ALK: variants seen among roughly 807,000 people sequenced by gnomAD.
ALK encodes the protein ALK tyrosine kinase receptor.
In ALK, 74 loss-of-function variants were observed where a neutral mutation model predicts 163.1. The observed-to-expected ratio is 0.45, with a 90% CI of 0.38 to 0.55. ALK has a LOEUF of 0.55. Ranked by LOEUF, ALK falls within the 20% of genes least tolerant of loss-of-function variation. The pLI is 0.00. For synonymous variants in ALK, 960 were observed against 843.2 expected (o/e 1.14, Z -2.40); for missense variants, 2,063 against 2,105.3 (o/e 0.98, Z 0.39).
chr2:29,856,710 C>T (rs1352243897), intron 1 of ALK, among the ~76,000 whole-genome samples: 1 of 152,178 alleles, frequency 6.6e-6, no homozygotes, highest in Non-Finnish European at 1.5e-5. Flanking sequence ...GTGGGTGCAT[C>T]ACCCAGGAAA....
intron 4 of ALK, among the ~76,000 whole-genome samples, chr2:29,437,849 C>T (rs1347462791): frequency 6.6e-6 from 1 of 152,184 alleles, no homozygotes; most frequent in African/African-American, 2.4e-5. Flanking sequence ...TGGTCTCTGG[C>T]TGAAGGGCAT....
intron 4 of ALK, among the ~76,000 whole-genome samples, chr2:29,522,287 C>A (rs1672835715): frequency 6.6e-6 from 1 of 152,148 alleles, no homozygotes; most frequent in South Asian, 2.1e-4. Context: ...GCTAGGGCCT[C>A]CCTCACCAAG....
At chr2:29,195,136 GAATC>G (rs1315889117) in intron 28 of ALK, among the ~76,000 whole-genome samples, 1 of 152,114 alleles carries the variant, frequency 6.6e-6, no homozygotes, top group Non-Finnish European at 1.5e-5. Context: ...TTTCTATAGT[GAATC>G]AATCATTTTA....
intron 3 of ALK, among the ~76,000 whole-genome samples, chr2:29,670,838 C>T (rs1334998289): frequency 6.6e-6 from 1 of 151,994 alleles, no homozygotes; most frequent in Non-Finnish European, 1.5e-5. Context: ...TCTAAGGTTT[C>T]CGTTTTATTT....
At chr2:29,238,237 C>G (rs1035840440) in intron 13 of ALK, among the ~76,000 whole-genome samples, 8 of 152,154 alleles carry the variant, frequency 5.3e-5, no homozygotes, top group Non-Finnish European at 2.9e-5. Context: ...TGCTCTGTTG[C>G]CCAGGCTGGA....
At chr2:29,891,574 A>G (rs545174607) in intron 1 of ALK, among the ~76,000 whole-genome samples, 1 of 152,218 alleles carries the variant, frequency 6.6e-6, no homozygotes, top group Non-Finnish European at 1.5e-5. Flanking sequence ...TCATTTAAAA[A>G]TGACAAATCT....
At chr2:29,570,698 C>T (rs187057458) in intron 3 of ALK, among the ~76,000 whole-genome samples, 4 of 152,296 alleles carry the variant, frequency 2.6e-5, no homozygotes, top group South Asian at 2.1e-4. Flanking sequence ...CTCTTTTAGA[C>T]GTTTCGCTCT....
chr2:29,466,827 G>C (rs149436911), intron 4 of ALK, among the ~76,000 whole-genome samples: 276 of 152,330 alleles, frequency 1.8e-3, no homozygotes, highest in Middle Eastern at 0.017. Flanking sequence ...TTGTCTGCAA[G>C]ACAGTTCTCT....
chr2:29,620,654 T>G (rs1244433846), intron 3 of ALK, among the ~76,000 whole-genome samples: 1 of 152,062 alleles, frequency 6.6e-6, no homozygotes, highest in Non-Finnish European at 1.5e-5. Context: ...AGACTTCTCT[T>G]CACCTCCTCA....
chr2:29,877,056 C>T (rs187764856), intron 1 of ALK, among the ~76,000 whole-genome samples: 2 of 152,306 alleles, frequency 1.3e-5, no homozygotes, highest in African/African-American at 4.8e-5. Context: ...TAATCCAATC[C>T]AACATATTTA....
rs79116145 is a variant in ALK at position 29,477,501 on chromosome 2, A to T, written c.1154+54414T>A. ...TCCTTCCCAGCTAAGCAAGTCAGGA[A>T]GTCCCCACCCTCAGGTTCAGAATGT... On this transcript the variant is annotated intron_variant, in intron 4 of 28. Transcript: ENST00000389048. Among the ~76,000 whole-genome samples, 3 of 152,280 alleles carry T rather than the reference A, an allele frequency of 2.0e-5. No individual in the cohort carries two copies. In the East Asian group the frequency reaches 5.8e-4, roughly 29 times the overall value.
chr2:29,393,388 C>T (rs1443865901), intron 4 of ALK, among the ~76,000 whole-genome samples: 1 of 152,170 alleles, frequency 6.6e-6, no homozygotes, highest in African/African-American at 2.4e-5. Context: ...CTGGAGCAAG[C>T]CATAAAACTA....
At chr2:29,540,578 A>G (rs867808161) in intron 3 of ALK, among the ~76,000 whole-genome samples, 28 of 100,652 alleles carry the variant, frequency 2.8e-4, no homozygotes, top group African/African-American at 1.1e-3. Context: ...GAGAAGAATT[A>G]TGTTTTTTTT....
chr2:29,332,862 G>A (rs1163387918), intron 5 of ALK, among the ~76,000 whole-genome samples: 1 of 152,168 alleles, frequency 6.6e-6, no homozygotes, highest in Admixed American at 6.5e-5. Context: ...ATTTTCATAG[G>A]ATAGATTCCC....
At chr2:29,865,051 C>G (rs953206999) in intron 1 of ALK, among the ~76,000 whole-genome samples, 2 of 152,218 alleles carry the variant, frequency 1.3e-5, no homozygotes, top group Non-Finnish European at 2.9e-5. Flanking sequence ...TTGCTCCTAT[C>G]AGCCTAAAGC....
At chr2:29,784,048 G>A (rs1271569003) in intron 1 of ALK, among the ~76,000 whole-genome samples, 2 of 152,112 alleles carry the variant, frequency 1.3e-5, no homozygotes, top group African/African-American at 4.8e-5. Flanking sequence ...CATGATATTA[G>A]ATATGAGAGA....
At chr2:29,814,791 T>C (rs1024684303) in intron 1 of ALK, among the ~76,000 whole-genome samples, 3 of 151,970 alleles carry the variant, frequency 2.0e-5, no homozygotes, top group Non-Finnish European at 4.4e-5. Context: ...TTTCCTCCTA[T>C]GTGAAATGGG....
At chr2:29,211,090 G>C (rs1669454733) in intron 24 of ALK, among the ~76,000 whole-genome samples, 2 of 152,202 alleles carry the variant, frequency 1.3e-5, no homozygotes, top group Admixed American at 6.5e-5. Flanking sequence ...AAAGGACTTA[G>C]AGAATCAACT....
chr2:29,255,693 G>A (rs942758599), intron 11 of ALK, among the ~76,000 whole-genome samples: 2 of 152,098 alleles, frequency 1.3e-5, no homozygotes, highest in African/African-American at 4.8e-5. Flanking sequence ...TTGTCAGATT[G>A]TCCCTACATA....
Sources: gnomAD v4.1 joint callset for allele counts (sites outside exome capture counted in the v4.1 genomes callset) on GRCh38, gnomAD v4.1.1 for gene constraint, MANE v1.5 for transcripts, NCBI Gene and HGNC (gene_info 2026-07-23, HGNC 2026-07-21) for gene names.